ZNF385B: variants seen among roughly 807,000 people sequenced by gnomAD.
ZNF385B encodes zinc finger protein 533.
A neutral mutation model predicts 39.2 loss-of-function variants in ZNF385B; 23 were observed. The observed-to-expected ratio is 0.59, with a 90% CI of 0.42 to 0.83. The LOEUF is 0.83. Ranked by LOEUF, ZNF385B falls within the 40% of genes least tolerant of loss-of-function variation. The pLI is 0.00. For missense variants in ZNF385B, 552 were observed against 598.9 expected (o/e 0.92, Z 0.82); for synonymous variants, 205 against 222.6 (o/e 0.92, Z 0.70).
rs1246018084 is a variant in ZNF385B, at chr2:179,750,479, T to C, written c.298+19024A>G. ...AGTATTCCTTCTACTATATGTATCA[T>C]CACCAGGTCTGAAGTACTACAAGTG... On this transcript the variant is annotated intron_variant, in intron 3 of 9. Transcript: ENST00000410066. Among the ~76,000 whole-genome samples, 4 of 152,150 alleles carry C rather than the reference T, an allele frequency of 2.6e-5. No homozygotes were observed. In the East Asian group the frequency reaches 7.7e-4, roughly 29 times the overall value.
intron 1 of ZNF385B, among the ~76,000 whole-genome samples, chr2:179,848,103 A>G (rs1159090878): frequency 6.6e-6 from 1 of 152,156 alleles, no homozygotes; most frequent in African/African-American, 2.4e-5. Flanking sequence ...GATTCGCTGT[A>G]AAAAAGCAGT....
intron 3 of ZNF385B, among the ~76,000 whole-genome samples, chr2:179,673,398 ATAAAG>A (rs960682702): frequency 8.5e-5 from 13 of 152,248 alleles, no homozygotes; most frequent in Non-Finnish European, 8.8e-5. Context: ...AATTAAAGTT[ATAAAG>A]TATAGTATAC....
At chr2:179,504,987 A>C (rs1428074378) in intron 5 of ZNF385B, among the ~76,000 whole-genome samples, 4 of 152,198 alleles carry the variant, frequency 2.6e-5, no homozygotes, top group African/African-American at 9.6e-5. Context: ...GGGTGGGGAC[A>C]CAGATCCAAA....
intron 5 of ZNF385B, among the ~76,000 whole-genome samples, chr2:179,515,331 G>T (rs551597134): frequency 3.3e-5 from 5 of 152,246 alleles, no homozygotes; most frequent in Admixed American, 2.0e-4. Flanking sequence ...ATAAAATGGT[G>T]CATCTTTTGC....
At chr2:179,513,623 C>T (rs2057857897) in intron 5 of ZNF385B, among the ~76,000 whole-genome samples, 1 of 152,176 alleles carries the variant, frequency 6.6e-6, no homozygotes, top group African/African-American at 2.4e-5. Flanking sequence ...AATTCATAGT[C>T]ATTCTTTCTG....
At chr2:179,524,067 G>C (rs1486755312) in intron 4 of ZNF385B, among the ~76,000 whole-genome samples, 1 of 151,890 alleles carries the variant, frequency 6.6e-6, no homozygotes, top group Non-Finnish European at 1.5e-5. Context: ...CAAAGTGCTG[G>C]GATTACAGAC....
intron 3 of ZNF385B, among the ~76,000 whole-genome samples, chr2:179,632,592 G>T (rs1291903727): frequency 3.9e-5 from 6 of 152,190 alleles, no homozygotes; most frequent in African/African-American, 1.4e-4. Context: ...GCCCACAAGA[G>T]AAGGCAGGAA....
chr2:179,720,376 A>T (rs936375128), intron 3 of ZNF385B, among the ~76,000 whole-genome samples: 9 of 139,002 alleles, frequency 6.5e-5, no homozygotes, highest in Non-Finnish European at 7.8e-5. Flanking sequence ...ATGAAAAAGG[A>T]GTAGAGGAAA....
At chr2:179,792,542 T>A (rs1233395997) in intron 1 of ZNF385B, among the ~76,000 whole-genome samples, 1 of 150,812 alleles carries the variant, frequency 6.6e-6, no homozygotes, top group East Asian at 2.0e-4. Context: ...CCTGGCTAAT[T>A]TTTTGTATTT....
chr2:179,709,934 G>C (rs557849991), intron 3 of ZNF385B, among the ~76,000 whole-genome samples: 4 of 152,172 alleles, frequency 2.6e-5, no homozygotes, highest in Admixed American at 2.6e-4. Context: ...GCAGCTGTGT[G>C]TGACCTACGG....
At chr2:179,742,723 T>C (rs1702153175) in intron 3 of ZNF385B, among the ~76,000 whole-genome samples, 1 of 152,012 alleles carries the variant, frequency 6.6e-6, no homozygotes, top group Admixed American at 6.6e-5. Context: ...CTCTATAAAT[T>C]GCCCAAATTA....
At chr2:179,686,137 A>G (rs1697907045) in intron 3 of ZNF385B, among the ~76,000 whole-genome samples, 1 of 152,240 alleles carries the variant, frequency 6.6e-6, no homozygotes, top group Admixed American at 6.5e-5. Flanking sequence ...ATCCATTTAT[A>G]TAAACATATT....
At chr2:179,662,358 AT>A (rs202113925) in intron 3 of ZNF385B, among the ~76,000 whole-genome samples, 2,972 of 139,232 alleles carry the variant, frequency 0.021, 27 homozygotes, top group South Asian at 0.041. Flanking sequence ...TTTATGGGTA[AT>A]TTTTTTTTTT....
At position 179,452,981 on chromosome 2, in the gene ZNF385B, C is replaced by A. The variant is rs371425525; in HGVS notation, c.716-6211G>T. 9.9e-5 allele frequency among the ~76,000 whole-genome samples: 15 copies of A among 152,158 alleles called. No homozygotes were observed. The South Asian group carries it at 1.7e-3, about 17-fold the overall frequency. ...ATCACAGGCAATAGTTTTGAACTAG[C>A]ATTATGATATTTTGGTATACATTAC... On this transcript the variant is annotated intron_variant, in intron 6 of 9. Coordinates refer to ENST00000410066, the MANE Select transcript of ZNF385B (RefSeq NM_152520.6).
intron 4 of ZNF385B, among the ~76,000 whole-genome samples, chr2:179,544,267 CAA>C (rs1487971357): frequency 1.3e-5 from 2 of 152,170 alleles, no homozygotes. Flanking sequence ...TTTAAAATGT[CAA>C]AGTGTCTTGC....
At chr2:179,474,759 C>T (rs2105542232) in intron 6 of ZNF385B, among the ~76,000 whole-genome samples, 1 of 152,132 alleles carries the variant, frequency 6.6e-6, no homozygotes, top group Admixed American at 6.5e-5. Flanking sequence ...CAAGGTGTCG[C>T]TGTCATCTTT....
chr2:179,855,849 T>C (rs920248388), intron 1 of ZNF385B, among the ~76,000 whole-genome samples: 1 of 152,216 alleles, frequency 6.6e-6, no homozygotes, highest in Non-Finnish European at 1.5e-5. Flanking sequence ...CATTATCCTA[T>C]AACCAAGTCA....
chr2:179,514,709 G>T (rs1426812891), intron 5 of ZNF385B, among the ~76,000 whole-genome samples: 1 of 151,344 alleles, frequency 6.6e-6, no homozygotes, highest in African/African-American at 2.4e-5. Context: ...AAATTAAAGT[G>T]ATTACAAATA....
At chr2:179,597,542 G>T (rs1283315373) in intron 3 of ZNF385B, among the ~76,000 whole-genome samples, 1 of 152,108 alleles carries the variant, frequency 6.6e-6, no homozygotes, top group Non-Finnish European at 1.5e-5. Context: ...TTGAAATTAT[G>T]ATTTCATTAG....
Sources: gnomAD v4.1 joint callset for allele counts (sites outside exome capture counted in the v4.1 genomes callset) on GRCh38, gnomAD v4.1.1 for gene constraint, MANE v1.5 for transcripts, NCBI Gene and HGNC (gene_info 2026-07-23, HGNC 2026-07-21) for gene names.